Variants in SNX31 observed in about 807,000 individuals in gnomAD.
The protein encoded by SNX31 is sorting nexin-31.
SNX31 carries 58 observed loss-of-function variants against 65.4 expected under a neutral mutation model. The ratio of observed to expected loss-of-function variants is 0.89; its 90% CI spans 0.72 to 1.10. The LOEUF is 1.10. Ranked by LOEUF, SNX31 falls within the 50% of genes least tolerant of loss-of-function variation. SNX31 has a pLI of 0.00. For missense variants in SNX31, 523 were observed against 529.7 expected, an observed-to-expected ratio of 0.99 and a Z score of 0.12; for synonymous variants, 181 against 190.1, an observed-to-expected ratio of 0.95 and a Z score of 0.39.
chr8:100,612,974 C>G lies in SNX31; in HGVS notation c.523+21G>C. On this transcript the variant is annotated intron_variant, in intron 6 of 13. Coordinates refer to ENST00000311812, the MANE Select transcript of SNX31 (RefSeq NM_152628.4). The surrounding 1 kb of genome is among the most constrained non-coding windows in gnomAD (Gnocchi z 4.3). The stretch of plus-strand genomic sequence containing the variant: ...TGTCCACCCCATCTCCTAGCTGATT[C>G]ATTTGTTCCTTCCTTCTTACCAGAG... The G allele has an allele frequency of 6.2e-7, 1 of 1,607,958 alleles. No homozygotes were observed. Among genetic ancestry groups the G allele is most frequent in the Non-Finnish European group, 8.5e-7 (1 of 1,174,470 alleles).
rs73274503 is a variant in SNX31 at position 100,608,455 on chromosome 8, A to G, written c.681+39T>C. 3,679 of 1,603,478 alleles carry G rather than the reference A, an allele frequency of 2.3e-3. 57 individuals are homozygous for G. The African/African-American group carries it at 0.038, about 17-fold the overall frequency. The stretch of plus-strand genomic sequence containing the variant: ...TAGTGGCTCCAAGCCAACATGGCCT[A>G]TGATCTACGGTGCTGTCTGAGCTCT... On this transcript the variant is annotated intron_variant, in intron 8 of 13. Transcript: ENST00000311812.
intron 5 of SNX31, among the ~76,000 whole-genome samples, chr8:100,615,287 A>G (rs1817070617): frequency 6.6e-6 from 1 of 152,206 alleles, no homozygotes; most frequent in South Asian, 2.1e-4. Flanking sequence ...GACAAAACAG[A>G]TGGTACCACA....
chr8:100,626,461 G>C lies in SNX31; in HGVS notation c.321+3866C>G, dbSNP rs577057168. Among the ~76,000 whole-genome samples, 8 of 152,330 alleles carry C rather than the reference G, an allele frequency of 5.3e-5. No homozygotes were observed. The East Asian group carries it at 1.3e-3, about 26-fold the overall frequency. On this transcript the variant is annotated intron_variant, in intron 4 of 13. Transcript: ENST00000311812. The surrounding 1 kb of genome is among the most constrained non-coding windows in gnomAD (Gnocchi z 4.4). ...TATTTAGAAGGCTAGATCATGATAT[G>C]AGGAGCTGGGGTTTAAAGCTTTGCT...
At chr8:100,585,500 G>T (rs1813962595) in intron 11 of SNX31, among the ~76,000 whole-genome samples, 1 of 152,086 alleles carries the variant, frequency 6.6e-6, no homozygotes, top group Non-Finnish European at 1.5e-5. Flanking sequence ...GGGAAAATGG[G>T]CTACATACAG....
chr8:100,615,894 T>C (rs867045164), intron 5 of SNX31, among the ~76,000 whole-genome samples: 15 of 152,172 alleles, frequency 9.9e-5, no homozygotes, highest in South Asian at 4.2e-4. Flanking sequence ...CTCAGCCTCC[T>C]GAGTAGCTGG....
intron 9 of SNX31, among the ~76,000 whole-genome samples, chr8:100,599,417 A>G (rs1815404237): frequency 6.6e-6 from 1 of 152,192 alleles, no homozygotes. Context: ...TGCACTTGTT[A>G]AAATTTACAA....
rs1195126929 is a variant in SNX31, at chr8:100,578,206, T to A, written c.1171-1131A>T. Reference sequence around the variant, plus strand: ...AGTGAATCTGGAAAGGCAGAGTGCCTGGCACACCTAGTAAACACCACCTAG... The same window carrying A: ...AGTGAATCTGGAAAGGCAGAGTGCCAGGCACACCTAGTAAACACCACCTAG... On this transcript the variant is annotated intron_variant, in intron 12 of 13. Coordinates refer to ENST00000311812, the MANE Select transcript of SNX31 (RefSeq NM_152628.4). This position sits in a 1 kb window ranked among gnomAD's most constrained non-coding sequence, Gnocchi z 4.7. Among the ~76,000 whole-genome samples the A allele has an allele frequency of 4.6e-5, 7 of 152,206 alleles. No individual in the cohort carries two copies. Among genetic ancestry groups the A allele is most frequent in the African/African-American group, 1.4e-4 (6 of 41,452 alleles).
chr8:100,637,260 T>A (rs1484092949), intron 2 of SNX31, among the ~76,000 whole-genome samples: 1 of 152,212 alleles, frequency 6.6e-6, no homozygotes, highest in Non-Finnish European at 1.5e-5. Flanking sequence ...TAGTGGCAGC[T>A]TGAAGGTAAG....
At chr8:100,574,215 T>C (rs528825723) in intron 13 of SNX31, among the ~76,000 whole-genome samples, 222 of 152,352 alleles carry the variant, frequency 1.5e-3, no homozygotes, top group African/African-American at 5.0e-3. Flanking sequence ...CCCTGGGATA[T>C]CACCCAGGTT....
Position 100,573,194 on chromosome 8 carries a change from C to T in SNX31, c.*671G>A, listed in dbSNP as rs1319697717. 6.7e-6 allele frequency: 1 copy of T among 149,084 alleles called. No individual in the cohort carries two copies. Among genetic ancestry groups the T allele is most frequent in the Non-Finnish European group, 1.5e-5 (1 of 67,990 alleles). The allele number at this position is 149,084 out of a possible 1,614,324, so 9.2% of individuals were successfully genotyped here. ...AAATAGCATGTTGATTATTGAACTG[C>T]CTTCAGTACTCTAAGGACAGAATAA... On this transcript the variant is annotated 3_prime_UTR_variant, in exon 14 of 14. Transcript: ENST00000311812.
Position 100,625,672 on chromosome 8 carries a change from C to T in SNX31, c.321+4655G>A, listed in dbSNP as rs1405542432. On this transcript the variant is annotated intron_variant, in intron 4 of 13. Coordinates refer to ENST00000311812, the MANE Select transcript of SNX31 (RefSeq NM_152628.4). The surrounding 1 kb of genome is among the most constrained non-coding windows in gnomAD (Gnocchi z 4.2). ...AGGTTTTCAGAAGGGCTGCCAAGTG[C>T]GTTGAAAATTGAACCTGGTCAGGAA... Among the ~76,000 whole-genome samples, 2 of 152,138 alleles carry T rather than the reference C, an allele frequency of 1.3e-5. No homozygotes were observed. The highest frequency in any genetic ancestry group is 2.9e-5 in the Non-Finnish European group (2 of 68,030).
In SNX31 at chr8:100,612,143, A is replaced by G. The variant is rs577456503; in HGVS notation, c.524-56T>C. ...TTGAAACAGCACAGACAGCTTATAT[A>G]TAGCAGCTTTCAAATGAGAAAATAA... is the stretch of plus-strand genomic sequence containing the variant. On this transcript the variant is annotated intron_variant, in intron 6 of 13. Transcript: ENST00000311812. This position sits in a 1 kb window ranked among gnomAD's most constrained non-coding sequence, Gnocchi z 4.3. 1.0e-5 allele frequency: 11 copies of G among 1,073,830 alleles called. No homozygotes were observed. In the East Asian group the frequency reaches 2.1e-4, roughly 21 times the overall value. 66.5% of individuals were successfully genotyped at this position (1,073,830 alleles called of 1,614,324 possible).
intron 3 of SNX31, among the ~76,000 whole-genome samples, chr8:100,633,938 G>T (rs1342999697): frequency 6.6e-6 from 1 of 152,118 alleles, no homozygotes; most frequent in African/African-American, 2.4e-5. Flanking sequence ...TTCAATTTGT[G>T]TTGAGCAAAA....
chr8:100,611,923 G>T, intron 7 of SNX31, 77 bp downstream of exon 7: 1 of 1,120,972 alleles, frequency 8.9e-7, no homozygotes, highest in Non-Finnish European at 1.4e-6. Flanking sequence ...AGCAGGATGT[G>T]ACGGGACTCT....
chr8:100,591,382 G>C (rs1195795803), intron 10 of SNX31, among the ~76,000 whole-genome samples: 2 of 151,820 alleles, frequency 1.3e-5, no homozygotes, highest in Non-Finnish European at 2.9e-5. Context: ...GTAGCTACTC[G>C]GGAGGCTGAG....
At position 100,657,639 on chromosome 8, in the gene SNX31, C is replaced by T. The variant is rs1400918901; in HGVS notation, c.-58+5503G>A. 6.6e-6 allele frequency: 3 copies of T among 455,608 alleles called. No homozygotes were observed. The East Asian group carries it at 2.1e-4, about 32-fold the overall frequency. 28.2% of individuals were successfully genotyped at this position (455,608 alleles called of 1,614,324 possible). A position where few individuals can be genotyped will look rare whatever the true frequency, so the allele number is the denominator to read the frequency against. On this transcript the variant is annotated intron_variant, in intron 1 of 5. Coordinates refer to the SNX31 transcript ENST00000520352. Reference sequence around the variant, plus strand: ...GTGGGAAGGAGGTCCAGCTGGAGGGCTTGGGAGCCAGTCTGAAGTGGAGGG... The same window carrying T: ...GTGGGAAGGAGGTCCAGCTGGAGGGTTTGGGAGCCAGTCTGAAGTGGAGGG...
intron 12 of SNX31, 104 bp from the exon 13 acceptor site, chr8:100,577,179 C>T (rs374876409): frequency 9.0e-6 from 9 of 1,002,656 alleles, no homozygotes; most frequent in South Asian, 3.1e-5. Flanking sequence ...TCCTCTTAAT[C>T]GTCCCAAAGG....
rs868331705 is a variant in SNX31, at chr8:100,618,104, G to A, written c.322-374C>T. 2.8e-5 allele frequency: 28 copies of A among 985,318 alleles called. No homozygotes were observed. The African/African-American group carries it at 3.5e-4, about 12-fold the overall frequency. The allele number at this position is 985,318 out of a possible 1,614,324, so 61.0% of individuals were successfully genotyped here. A position where few individuals can be genotyped will look rare whatever the true frequency, so the allele number is the denominator to read the frequency against. ...TTAAAGCTGCACCATTGCAGCAAGCGAACAATCCACAGCTTCCTTTTTTGG... is the reference window on the plus strand; with the variant it reads ...TTAAAGCTGCACCATTGCAGCAAGCAAACAATCCACAGCTTCCTTTTTTGG... On this transcript the variant is annotated intron_variant, in intron 4 of 13. Transcript: ENST00000311812.
intron 11 of SNX31, among the ~76,000 whole-genome samples, chr8:100,587,412 G>A (rs1013892874): frequency 3.9e-5 from 6 of 152,146 alleles, no homozygotes; most frequent in Non-Finnish European, 5.9e-5. Flanking sequence ...CAGATGTACA[G>A]CACAGATTCT....
Sources: gnomAD v4.1 joint callset for allele counts (sites outside exome capture counted in the v4.1 genomes callset) on GRCh38, gnomAD v4.1.1 for gene constraint, Gnocchi (gnomAD v3.1) non-coding constraint, MANE v1.5 for transcripts, NCBI Gene and HGNC (gene_info 2026-07-23, HGNC 2026-07-21) for gene names.